ANKRD44: variants seen among roughly 807,000 people sequenced by gnomAD.
ANKRD44 encodes serine/threonine-protein phosphatase 6 regulatory ankyrin repeat subunit B.
Under a neutral mutation model 116.0 loss-of-function variants are expected in ANKRD44, and 35 were observed. The observed-to-expected ratio is 0.30, with a 90% confidence interval of 0.23 to 0.40. ANKRD44 has a LOEUF of 0.40. Among genes scored for constraint, ANKRD44 ranks in the 10% least tolerant of loss-of-function variants. The probability of loss-of-function intolerance (pLI) is 1.00; values close to 1 mark genes in which losing one functional copy is unlikely to be tolerated. For missense variants in ANKRD44, 1,014 were observed against 1,242.6 expected (o/e 0.82, Z 2.77); for synonymous variants, 435 against 461.8 (o/e 0.94, Z 0.74).
chr2:197,090,566 T>C (rs914498503), intron 10 of ANKRD44, among the ~76,000 whole-genome samples: 1 of 150,592 alleles, frequency 6.6e-6, no homozygotes, highest in Non-Finnish European at 1.5e-5. Context: ...GATACAATGA[T>C]AGAGGCAGGG....
chr2:197,185,827 A>C (rs1404867982), intron 2 of ANKRD44, among the ~76,000 whole-genome samples: 1 of 152,204 alleles, frequency 6.6e-6, no homozygotes, highest in Non-Finnish European at 1.5e-5. Flanking sequence ...TGCCTAGTTC[A>C]CCCACTGATC....
At chr2:197,191,575 A>G (rs921643783) in intron 1 of ANKRD44, among the ~76,000 whole-genome samples, 9 of 152,212 alleles carry the variant, frequency 5.9e-5, no homozygotes, top group Non-Finnish European at 1.5e-5. Flanking sequence ...AAAATGCTAA[A>G]TCAAATATGT....
At chr2:197,273,293 A>G (rs13393428) in intron 1 of ANKRD44, among the ~76,000 whole-genome samples, 35,650 of 152,180 alleles carry the variant, frequency 0.23, 4,344 homozygotes, top group Middle Eastern at 0.31. Context: ...CAAACTGGTC[A>G]GAAGAGGATA....
Position 197,139,533 on chromosome 2 carries a change from T to C in ANKRD44, c.191-2871A>G, listed in dbSNP as rs550004568. Among the ~76,000 whole-genome samples the C allele has an allele frequency of 1.1e-4, 17 of 152,260 alleles. No homozygotes were observed. In the East Asian group the frequency reaches 3.1e-3, roughly 28 times the overall value. On this transcript the variant is annotated intron_variant, in intron 3 of 27. Coordinates refer to ENST00000282272, the MANE Select transcript of ANKRD44 (RefSeq NM_001195144.2). ...ATAAATACTAATTCTGGATAGTGAC[T>C]GCGTCTAGGGAAAGAGGAATGTGAA...
chr2:197,153,402 A>C (rs1559108090), intron 2 of ANKRD44, among the ~76,000 whole-genome samples: 1 of 152,074 alleles, frequency 6.6e-6, no homozygotes, highest in Non-Finnish European at 1.5e-5. Flanking sequence ...TGTGATATTG[A>C]ACAGAGATCA....
intron 1 of ANKRD44, among the ~76,000 whole-genome samples, chr2:197,248,950 G>A (rs2082257600): frequency 6.6e-6 from 1 of 152,192 alleles, no homozygotes; most frequent in Admixed American, 6.5e-5. Context: ...TAAGAAAAGT[G>A]TGGTATACAG....
intron 1 of ANKRD44, among the ~76,000 whole-genome samples, chr2:197,209,193 T>G (rs1469810740): frequency 1.3e-5 from 2 of 152,224 alleles, no homozygotes; most frequent in Admixed American, 1.3e-4. Flanking sequence ...TTTATGAGCC[T>G]TGAGATAAAA....
At chr2:197,151,805 G>A (rs576126478) in intron 2 of ANKRD44, among the ~76,000 whole-genome samples, 10 of 152,196 alleles carry the variant, frequency 6.6e-5, no homozygotes, top group African/African-American at 2.4e-4. Flanking sequence ...CAATAGCAGG[G>A]AAGTGGCAAA....
In ANKRD44 at chr2:197,083,512, GA is replaced by G. The variant is rs1328919589; in HGVS notation, c.1317-4del. 3.1e-6 allele frequency: 5 copies of G among 1,608,274 alleles called. No homozygotes were observed. The highest frequency in any genetic ancestry group is 4.2e-6 in the Non-Finnish European group (5 of 1,177,064). On this transcript the variant is annotated splice_region_variant and splice_polypyrimidine_tract_variant and intron_variant, in intron 13 of 27. Transcript: ENST00000282272. ...CAGCTGCATAGTGCAAAGGGGTCCT[GA>G]AAAACAAACAGCAATTTATTACTCC...
intron 16 of ANKRD44, among the ~76,000 whole-genome samples, chr2:197,069,871 A>G (rs2125091887): frequency 6.6e-6 from 1 of 150,854 alleles, no homozygotes; most frequent in East Asian, 1.9e-4. Context: ...CTTCTAATCC[A>G]CGCATACAGA....
At chr2:196,978,333 G>A (rs2075774541) in intron 21 of ANKRD44, among the ~76,000 whole-genome samples, 1 of 152,166 alleles carries the variant, frequency 6.6e-6, no homozygotes, top group African/African-American at 2.4e-5. Flanking sequence ...CTCACCAGAA[G>A]CAGCTGCCAG....
chr2:197,035,867 G>A (rs1165558187), intron 16 of ANKRD44, among the ~76,000 whole-genome samples: 1 of 151,950 alleles, frequency 6.6e-6, no homozygotes, highest in African/African-American at 2.4e-5. Flanking sequence ...GAGGATCCCA[G>A]GGGACTGGTT....
chr2:197,304,803 A>C (rs1035447644), intron 1 of ANKRD44, among the ~76,000 whole-genome samples: 1 of 152,202 alleles, frequency 6.6e-6, no homozygotes, highest in Admixed American at 6.5e-5. Flanking sequence ...ATCACATTAC[A>C]CCTGCAAGTC....
At position 197,121,417 on chromosome 2, in the gene ANKRD44, G is replaced by A; in HGVS notation, c.821C>T (p.Thr274Ile). 6.2e-7 allele frequency: 1 copy of A among 1,614,140 alleles called. No homozygotes were observed. The highest frequency in any genetic ancestry group is 8.5e-7 in the Non-Finnish European group (1 of 1,180,026). ...GGAGGCAGCAGCAAAATGCAAAGGG[G>A]TGAACCCATTATTGTTTGGCTGGTT... Reference protein sequence around the residue: ...NVNQPNNNGFTPLHFAAASTH... With the variant: ...NVNQPNNNGFIPLHFAAASTH... Residue 274 changes from threonine to isoleucine, a missense_variant, in exon 8 of 28, where the codon ACC (threonine) becomes ATC (isoleucine). Coordinates refer to ENST00000282272, the MANE Select transcript of ANKRD44 (RefSeq NM_001195144.2).
chr2:197,189,883 C>T lies in ANKRD44; in HGVS notation c.28-2777G>A, dbSNP rs147685498. On this transcript the variant is annotated intron_variant, in intron 1 of 27. Transcript: ENST00000282272. ...GCAGAGTCTCCCAGTTGCGAGTGTA[C>T]GGAATACATACATTCTGTTGCATTC... Among the ~76,000 whole-genome samples the T allele has an allele frequency of 1.7e-3, 259 of 152,224 alleles. 1 individual carries two copies. The highest frequency in any genetic ancestry group is 5.9e-3 in the African/African-American group (244 of 41,544).
At chr2:197,159,647 ACATTT>A (rs1466549725) in intron 2 of ANKRD44, among the ~76,000 whole-genome samples, 2 of 152,258 alleles carry the variant, frequency 1.3e-5, no homozygotes, top group African/African-American at 2.4e-5. Flanking sequence ...ACAAAACATT[ACATTT>A]ATGATTAAAC....
intron 1 of ANKRD44, chr2:197,199,103 T>C (rs1379584083): frequency 1.3e-5 from 2 of 152,152 alleles, no homozygotes; most frequent in Admixed American, 6.6e-5. Context: ...GCAACCTACT[T>C]CTCTCCCCAT....
intron 1 of ANKRD44, among the ~76,000 whole-genome samples, chr2:197,296,898 T>C (rs1376045881): frequency 1.3e-5 from 2 of 152,240 alleles, no homozygotes; most frequent in Non-Finnish European, 2.9e-5. Flanking sequence ...TCTACCGTTA[T>C]AAATTAATTC....
chr2:197,224,230 T>C (rs1460678524), intron 1 of ANKRD44, among the ~76,000 whole-genome samples: 2 of 152,178 alleles, frequency 1.3e-5, no homozygotes, highest in East Asian at 1.9e-4. Flanking sequence ...GTGACCATAG[T>C]TTGAAGACAC....
Sources: gnomAD v4.1 joint callset for allele counts (sites outside exome capture counted in the v4.1 genomes callset) on GRCh38, gnomAD v4.1.1 for gene constraint, MANE v1.5 for transcripts, NCBI Gene and HGNC (gene_info 2026-07-23, HGNC 2026-07-21) for gene names.